Variants in NPSR1 observed in about 807,000 individuals in gnomAD.
NPSR1 encodes neuropeptide S receptor.
A neutral mutation model predicts 46.9 loss-of-function variants in NPSR1; 48 were observed. The ratio of observed to expected loss-of-function variants is 1.02; its 90% CI spans 0.81 to 1.30. The LOEUF (loss-of-function observed/expected upper bound fraction) is 1.30, where lower values mean the gene tolerates loss of function less well. NPSR1 is among the 50% of genes most tolerant of loss of function. The pLI is 0.00. For synonymous variants in NPSR1, 176 were observed against 168.1 expected (o/e 1.05, Z -0.36); for missense variants, 450 against 449.5 (o/e 1.00, Z -0.01).
chr7:34,663,067 C>CTG (rs1425497014), intron 1 of NPSR1, among the ~76,000 whole-genome samples: 27 of 99,416 alleles, frequency 2.7e-4, no homozygotes, highest in African/African-American at 7.4e-4. Context: ...CTCTCTCTCT[C>CTG]TGTGTGTGTG....
At chr7:34,675,646 C>G (rs1204520393) in intron 1 of NPSR1, among the ~76,000 whole-genome samples, 1 of 152,212 alleles carries the variant, frequency 6.6e-6, no homozygotes, top group African/African-American at 2.4e-5. Context: ...CCTTTTGGCT[C>G]TGGAAGCATG....
chr7:34,872,365 C>A (rs1251163191), intron 8 of NPSR1, among the ~76,000 whole-genome samples: 1 of 151,920 alleles, frequency 6.6e-6, no homozygotes, highest in Non-Finnish European at 1.5e-5. Flanking sequence ...AAGGGACCAC[C>A]CCAAGACTTC....
At chr7:34,793,075 C>T (rs959724385) in intron 3 of NPSR1, among the ~76,000 whole-genome samples, 1 of 151,760 alleles carries the variant, frequency 6.6e-6, no homozygotes, top group African/African-American at 2.4e-5. Context: ...GTTAGTAGTC[C>T]TAGCTACATG....
At chr7:34,856,910 T>TGG (rs199608545) in intron 8 of NPSR1, among the ~76,000 whole-genome samples, 1 of 151,002 alleles carries the variant, frequency 6.6e-6, no homozygotes, top group South Asian at 2.1e-4. Flanking sequence ...TTTATGTAGA[T>TGG]GGGGGGGGAA....
At chr7:34,745,297 T>A (rs1241618052) in intron 2 of NPSR1, among the ~76,000 whole-genome samples, 1 of 152,198 alleles carries the variant, frequency 6.6e-6, no homozygotes, top group East Asian at 1.9e-4. Flanking sequence ...CTCTTTCTAT[T>A]GCTTTTTGAG....
intron 6 of NPSR1, 145 bp downstream of exon 6, chr7:34,834,605 G>T (rs1384135413): frequency 1.5e-6 from 1 of 650,052 alleles, no homozygotes; most frequent in Non-Finnish European, 2.8e-6. Flanking sequence ...ACCCACCAAA[G>T]GCTGTCACAG....
chr7:34,729,061 T>C (rs1401283079), intron 2 of NPSR1, among the ~76,000 whole-genome samples: 1 of 152,166 alleles, frequency 6.6e-6, no homozygotes, highest in East Asian at 1.9e-4. Context: ...GCTATAGTCA[T>C]CACCCACTCA....
chr7:34,870,901 T>TG (rs1474967405), intron 8 of NPSR1, among the ~76,000 whole-genome samples: 1,599 of 141,400 alleles, frequency 0.011, 83 homozygotes, highest in African/African-American at 0.044. Context: ...GATGGATGGA[T>TG]GAATGGATGG....
chr7:34,814,286 C>T (rs1464416675), intron 4 of NPSR1, among the ~76,000 whole-genome samples: 1 of 152,250 alleles, frequency 6.6e-6, no homozygotes, highest in African/African-American at 2.4e-5. Flanking sequence ...GCCTTGCTCA[C>T]TGCTAGCACA....
At chr7:34,847,836 C>G (rs1790793689) in intron 7 of NPSR1, among the ~76,000 whole-genome samples, 1 of 152,172 alleles carries the variant, frequency 6.6e-6, no homozygotes, top group African/African-American at 2.4e-5. Context: ...GTCAAGTAGT[C>G]TCAAAATTAA....
intron 8 of NPSR1, among the ~76,000 whole-genome samples, chr7:34,876,514 C>T (rs1791578256): frequency 6.6e-6 from 1 of 152,156 alleles, no homozygotes; most frequent in South Asian, 2.1e-4. Flanking sequence ...ACAGCACCGC[C>T]CCAGTCCTGC....
At chr7:34,780,409 G>A (rs1562721589) in intron 3 of NPSR1, among the ~76,000 whole-genome samples, 1 of 152,012 alleles carries the variant, frequency 6.6e-6, no homozygotes, top group Non-Finnish European at 1.5e-5. Context: ...TAAATGTTAA[G>A]ACTATATATA....
intron 4 of NPSR1, among the ~76,000 whole-genome samples, chr7:34,819,616 G>A (rs150800168): frequency 1.4e-4 from 21 of 152,250 alleles, no homozygotes; most frequent in Middle Eastern, 3.4e-3. Flanking sequence ...ACATGCACAC[G>A]TATGTTTATT....
chr7:34,770,356 T>C (rs1786622288), intron 2 of NPSR1, among the ~76,000 whole-genome samples: 1 of 152,218 alleles, frequency 6.6e-6, no homozygotes, highest in African/African-American at 2.4e-5. Flanking sequence ...GGACTTTTCT[T>C]ATAGCTTAGA....
At position 34,866,415 on chromosome 7, in the gene NPSR1, A is replaced by T. The variant is rs558930143; in HGVS notation, c.1026-11661A>T. Among the ~76,000 whole-genome samples, 822 of 151,894 alleles carry T rather than the reference A, an allele frequency of 5.4e-3. 20 individuals carry two copies. The highest frequency in any genetic ancestry group is 0.019 in the African/African-American group (783 of 41,130). On this transcript the variant is annotated intron_variant, in intron 8 of 8. Transcript: ENST00000359791. ...CATGCAAATGATGAGAGGATAGCGG[A>T]GGGACAGGAGGCAGAGCGCACAGCC...
At chr7:34,756,849 A>G (rs1012119206) in intron 2 of NPSR1, among the ~76,000 whole-genome samples, 7 of 152,240 alleles carry the variant, frequency 4.6e-5, no homozygotes, top group Non-Finnish European at 7.3e-5. Flanking sequence ...AAATGAGCAG[A>G]GCAGGTGCCA....
chr7:34,749,646 A>AG (rs1278729272), intron 2 of NPSR1, among the ~76,000 whole-genome samples: 1 of 152,174 alleles, frequency 6.6e-6, no homozygotes, highest in African/African-American at 2.4e-5. Flanking sequence ...GGGGCCCAAG[A>AG]GGGGGTTGTT....
At chr7:34,757,756 C>A (rs1268584185) in intron 2 of NPSR1, among the ~76,000 whole-genome samples, 3 of 152,182 alleles carry the variant, frequency 2.0e-5, no homozygotes, top group African/African-American at 7.2e-5. Context: ...GGCCATGCGA[C>A]TGTTCTGCTA....
At chr7:34,785,739 A>C (rs965286366) in intron 3 of NPSR1, among the ~76,000 whole-genome samples, 1 of 152,122 alleles carries the variant, frequency 6.6e-6, no homozygotes, top group South Asian at 2.1e-4. Flanking sequence ...TGCCTAAATA[A>C]AGCAAATTTC....
Sources: gnomAD v4.1 joint callset for allele counts (sites outside exome capture counted in the v4.1 genomes callset) on GRCh38, gnomAD v4.1.1 for gene constraint, MANE v1.5 for transcripts, NCBI Gene and HGNC (gene_info 2026-07-23, HGNC 2026-07-21) for gene names.